The following RPS6KA5 variants were observed in gnomAD, a reference collection of about 807,000 sequenced individuals.
RPS6KA5 encodes ribosomal protein S6 kinase alpha-5.
Under a neutral mutation model 85.5 loss-of-function variants are expected in RPS6KA5, and 27 were observed. That is an observed-to-expected ratio of 0.32 (90% CI 0.23 to 0.44). The LOEUF (loss-of-function observed/expected upper bound fraction) is 0.44. Among genes scored for constraint, RPS6KA5 ranks in the 20% least tolerant of loss-of-function variants. The pLI is 1.00. For synonymous variants in RPS6KA5, 334 were observed against 348.2 expected (o/e 0.96, Z 0.46); for missense variants, 811 against 980.9 (o/e 0.83, Z 2.31).
chr14:91,048,361 T>C (rs147228106), intron 1 of RPS6KA5, among the ~76,000 whole-genome samples: 18 of 152,226 alleles, frequency 1.2e-4, no homozygotes, highest in African/African-American at 4.3e-4. Context: ...ACTGACTATA[T>C]AAAAAGAAGC....
At chr14:90,891,250 C>A (rs951136888) in intron 13 of RPS6KA5, among the ~76,000 whole-genome samples, 35 of 150,392 alleles carry the variant, frequency 2.3e-4, no homozygotes, top group African/African-American at 7.9e-4. Context: ...TGAACAAAGT[C>A]ATAAATAAAA....
chr14:91,009,987 T>G (rs968607303), intron 1 of RPS6KA5, among the ~76,000 whole-genome samples: 9 of 149,398 alleles, frequency 6.0e-5, no homozygotes, highest in Non-Finnish European at 8.9e-5. Flanking sequence ...AGCAAGAAGG[T>G]GGAAGTGCAT....
intron 1 of RPS6KA5, chr14:91,060,000 CAG>C (rs2043571783): frequency 1.0e-6 from 1 of 977,248 alleles, no homozygotes; most frequent in Non-Finnish European, 1.2e-6. Context: ...TGACAGGACG[CAG>C]ACACACGTGT....
At chr14:90,970,883 G>A (rs1183755991) in intron 3 of RPS6KA5, among the ~76,000 whole-genome samples, 1 of 149,276 alleles carries the variant, frequency 6.7e-6, no homozygotes, top group African/African-American at 2.5e-5. Context: ...ATAAATCAGA[G>A]GCTTAAAAGA....
chr14:90,934,913 T>G (rs2037180566), intron 5 of RPS6KA5, among the ~76,000 whole-genome samples: 1 of 152,222 alleles, frequency 6.6e-6, no homozygotes, highest in Non-Finnish European at 1.5e-5. Context: ...GGCAACAGGG[T>G]AACACTTTGG....
intron 1 of RPS6KA5, among the ~76,000 whole-genome samples, chr14:91,041,668 C>T (rs2042609663): frequency 6.6e-6 from 1 of 152,200 alleles, no homozygotes. Context: ...TATTCTGAAG[C>T]TGTTTAGATT....
At chr14:90,971,158 A>T (rs900486906) in intron 3 of RPS6KA5, among the ~76,000 whole-genome samples, 9 of 152,134 alleles carry the variant, frequency 5.9e-5, no homozygotes, top group African/African-American at 2.2e-4. Context: ...CCCTACTAAA[A>T]ATACAGAAAT....
At chr14:91,020,345 CAAT>C (rs2041694033) in intron 1 of RPS6KA5, among the ~76,000 whole-genome samples, 1 of 151,930 alleles carries the variant, frequency 6.6e-6, no homozygotes, top group Non-Finnish European at 1.5e-5. Flanking sequence ...TACAGTATAA[CAAT>C]AATTTACATA....
intron 2 of RPS6KA5, among the ~76,000 whole-genome samples, chr14:90,985,009 T>G (rs556586449): frequency 6.6e-5 from 10 of 152,188 alleles, no homozygotes; most frequent in Non-Finnish European, 1.3e-4. Context: ...GGCACGATCT[T>G]GGCTCACCAC....
chr14:91,020,635 TGTG>T (rs2041723446), intron 1 of RPS6KA5, among the ~76,000 whole-genome samples: 1 of 150,812 alleles, frequency 6.6e-6, no homozygotes, highest in African/African-American at 2.4e-5. Context: ...TGTGTGTGTG[TGTG>T]TGTGTGTGTG....
At chr14:90,957,039 C>T (rs1430503874) in intron 3 of RPS6KA5, among the ~76,000 whole-genome samples, 1 of 149,418 alleles carries the variant, frequency 6.7e-6, no homozygotes, top group Non-Finnish European at 1.5e-5. Context: ...CATCCCCAAC[C>T]CTGGTGTTTT....
At chr14:91,044,810 G>A (rs1023956336) in intron 1 of RPS6KA5, among the ~76,000 whole-genome samples, 1 of 150,928 alleles carries the variant, frequency 6.6e-6, no homozygotes, top group Non-Finnish European at 1.5e-5. Flanking sequence ...GGCAGAGGTT[G>A]CAGTGAGCCG....
At chr14:90,934,155 A>G (rs2037138908) in intron 5 of RPS6KA5, among the ~76,000 whole-genome samples, 1 of 152,184 alleles carries the variant, frequency 6.6e-6, no homozygotes, top group Non-Finnish European at 1.5e-5. Context: ...ATTTGTGTCC[A>G]TTTTGCTCAT....
At chr14:90,960,414 G>A (rs1442908654) in intron 3 of RPS6KA5, among the ~76,000 whole-genome samples, 2 of 152,084 alleles carry the variant, frequency 1.3e-5, no homozygotes, top group Non-Finnish European at 2.9e-5. Context: ...AAGGAATGTG[G>A]CGGATTCTGG....
At chr14:90,879,743 G>T (rs905334472) in intron 14 of RPS6KA5, among the ~76,000 whole-genome samples, 1 of 151,586 alleles carries the variant, frequency 6.6e-6, no homozygotes, top group East Asian at 1.9e-4. Context: ...TTCGCTTTCC[G>T]GGGAACACAG....
chr14:90,879,620 T>G (rs907772852), intron 14 of RPS6KA5, among the ~76,000 whole-genome samples: 7 of 152,184 alleles, frequency 4.6e-5, no homozygotes, highest in Non-Finnish European at 1.0e-4. Flanking sequence ...CTGCACTTGG[T>G]GATGACACGT....
intron 5 of RPS6KA5, among the ~76,000 whole-genome samples, chr14:90,931,393 A>T (rs539572469): frequency 1.3e-5 from 2 of 152,280 alleles, no homozygotes; most frequent in Admixed American, 6.5e-5. Context: ...ACGGGGGAAA[A>T]GGTATAGAGT....
chr14:91,017,792 G>A (rs1249194046), intron 1 of RPS6KA5, among the ~76,000 whole-genome samples: 3 of 152,146 alleles, frequency 2.0e-5, no homozygotes, highest in African/African-American at 7.2e-5. Context: ...TAGTTCCAAG[G>A]GCAAGATGTT....
At chr14:90,976,202 GAAA>G (rs5810526) in intron 3 of RPS6KA5, among the ~76,000 whole-genome samples, 440 of 109,004 alleles carry the variant, frequency 4.0e-3, no homozygotes, top group Middle Eastern at 0.01. Context: ...TAAGAGAACA[GAAA>G]AAAAAAAAAA....
Sources: allele counts gnomAD v4.1 joint callset (sites outside exome capture counted in the v4.1 genomes callset), GRCh38; gene constraint gnomAD v4.1.1; transcripts MANE v1.5; gene names NCBI Gene and HGNC (gene_info 2026-07-23, HGNC 2026-07-21).